ITPR2: variants seen among roughly 807,000 people sequenced by gnomAD.
ITPR2 encodes the protein inositol 1,4,5-trisphosphate receptor type 2, also known as inositol 1,4,5-trisphosphate-gated calcium channel ITPR2.
In ITPR2, 207 loss-of-function variants were observed where a neutral mutation model predicts 317.1. The ratio of observed to expected loss-of-function variants is 0.65; its 90% confidence interval spans 0.58 to 0.73. The LOEUF (loss-of-function observed/expected upper bound fraction) is 0.73, where lower values mean the gene tolerates loss of function less well. ITPR2 is among the 30% of genes least tolerant of loss of function. The pLI is 0.00. For synonymous variants in ITPR2, 1,156 were observed against 1,149.1 expected (o/e 1.01, Z -0.12); for missense variants, 2,613 against 3,284.0 (o/e 0.80, Z 4.99).
chr12:26,460,793 C>G (rs1332833685), intron 45 of ITPR2, among the ~76,000 whole-genome samples: 1 of 152,184 alleles, frequency 6.6e-6, no homozygotes, highest in African/African-American at 2.4e-5. Flanking sequence ...CTCTAATACA[C>G]AGTGTTTCCC....
Position 26,628,179 on chromosome 12 carries a change from GAAC to G in ITPR2, c.2935-20_2935-18del. The G allele has an allele frequency of 6.4e-7, 1 of 1,571,338 alleles. No homozygotes were observed. Among genetic ancestry groups the G allele is most frequent in the Non-Finnish European group, 8.6e-7 (1 of 1,156,460 alleles). On this transcript the variant is annotated intron_variant, in intron 22 of 56. Transcript: ENST00000381340. ...CAGGATAAACTATAAGAAACATTAA[GAAC>G]AACATAAATTTCTTTCATTAGCATA...
chr12:26,534,674 T>C (rs1473303422), intron 37 of ITPR2, among the ~76,000 whole-genome samples: 3 of 152,216 alleles, frequency 2.0e-5, no homozygotes, highest in Non-Finnish European at 4.4e-5. Flanking sequence ...TTAAAAAAGA[T>C]GTTGAACAGC....
intron 37 of ITPR2, among the ~76,000 whole-genome samples, chr12:26,512,721 G>A (rs1173472318): frequency 1.3e-5 from 2 of 152,098 alleles, no homozygotes; most frequent in African/African-American, 2.4e-5. Flanking sequence ...TGTGTCATGG[G>A]TGCATCCTTA....
Position 26,495,193 on chromosome 12 carries a change from C to T in ITPR2, c.5141G>A (p.Gly1714Glu). Residue 1714 changes from glycine (G) to glutamate (E), a missense_variant, in exon 38 of 57, where the codon GGA becomes GAA. Gly to Glu is a moderately conservative substitution (Grantham distance 98, BLOSUM62 -2). This residue lies in a region of ITPR2 where 926 missense variants were observed against 1,072.8 expected (regional missense o/e 0.86). Coordinates refer to ENST00000381340, the MANE Select transcript of ITPR2 (RefSeq NM_002223.4). ...TTTGGAGTAGGCTCCTGATAGGTGT[C>T]CATTCACACCAATACTATAATCACC... Reference protein sequence around the residue: ...FKGDYSIGVNGHLSGAYSKTA... With the variant: ...FKGDYSIGVNEHLSGAYSKTA... The T allele has an allele frequency of 1.2e-6, 2 of 1,609,206 alleles. No individual in the cohort carries two copies. Among genetic ancestry groups the T allele is most frequent in the South Asian group, 1.1e-5 (1 of 91,002 alleles).
At chr12:26,737,570 T>C (rs1180128881) in intron 2 of ITPR2, among the ~76,000 whole-genome samples, 1 of 152,140 alleles carries the variant, frequency 6.6e-6, no homozygotes, top group Non-Finnish European at 1.5e-5. Context: ...TATTTTTCAA[T>C]GGAAACTGTG....
Position 26,779,428 on chromosome 12 carries a change from G to A in ITPR2, c.163+10729C>T, listed in dbSNP as rs561837294. Among the ~76,000 whole-genome samples the A allele has an allele frequency of 1.9e-3, 293 of 152,284 alleles. 1 individual carries two copies. Among genetic ancestry groups the A allele is most frequent in the South Asian group, 0.015 (71 of 4,826 alleles). On this transcript the variant is annotated intron_variant, in intron 2 of 56. Transcript: ENST00000381340. ...TCATGCATAGCAGCATTCTATCATC[G>A]AATGGAAGTAGTATAAATGTGACTG...
chr12:26,420,778 A>G (rs1320778915), intron 49 of ITPR2, among the ~76,000 whole-genome samples: 1 of 152,102 alleles, frequency 6.6e-6, no homozygotes, highest in Admixed American at 6.6e-5. Context: ...TTATTTAAAA[A>G]CCCAGGAAAT....
intron 55 of ITPR2, among the ~76,000 whole-genome samples, chr12:26,386,431 G>T (rs1939665614): frequency 6.6e-6 from 1 of 152,124 alleles, no homozygotes. Flanking sequence ...GACAGGTAAG[G>T]TAAACTATGA....
At chr12:26,621,834 T>G (rs1162178168) in intron 25 of ITPR2, among the ~76,000 whole-genome samples, 2 of 152,226 alleles carry the variant, frequency 1.3e-5, no homozygotes, top group East Asian at 1.9e-4. Flanking sequence ...AAGAAAAAGA[T>G]TAGATCCATA....
At chr12:26,469,293 A>G (rs1942245413) in intron 45 of ITPR2, among the ~76,000 whole-genome samples, 2 of 152,178 alleles carry the variant, frequency 1.3e-5, no homozygotes. Flanking sequence ...CCTGAGGTGA[A>G]CTGTAGGTGA....
chr12:26,441,825 C>T (rs1460160384), intron 46 of ITPR2, among the ~76,000 whole-genome samples: 1 of 152,058 alleles, frequency 6.6e-6, no homozygotes, highest in East Asian at 1.9e-4. Context: ...AACCAGTAGC[C>T]CAGAGGACAT....
At chr12:26,499,210 A>T (rs527619370) in intron 37 of ITPR2, among the ~76,000 whole-genome samples, 2 of 152,346 alleles carry the variant, frequency 1.3e-5, no homozygotes, top group East Asian at 3.9e-4. Flanking sequence ...ATTTGTGATT[A>T]TTTTTAAATT....
intron 2 of ITPR2, among the ~76,000 whole-genome samples, chr12:26,788,169 G>A (rs536026682): frequency 2.3e-4 from 35 of 152,182 alleles, no homozygotes; most frequent in African/African-American, 7.0e-4. Flanking sequence ...TGATCCACCC[G>A]CCTTGGCCTC....
At chr12:26,635,377 T>G (rs1165109699) in intron 21 of ITPR2, among the ~76,000 whole-genome samples, 1 of 152,234 alleles carries the variant, frequency 6.6e-6, no homozygotes, top group African/African-American at 2.4e-5. Flanking sequence ...TTAGAAATGC[T>G]TTTCTCTTAT....
intron 36 of ITPR2, among the ~76,000 whole-genome samples, chr12:26,551,670 T>A (rs1458537418): frequency 6.6e-6 from 1 of 152,140 alleles, no homozygotes; most frequent in Non-Finnish European, 1.5e-5. Context: ...CAGAGAAGGT[T>A]TCAGTGAAGA....
chr12:26,391,803 T>C (rs189966877), intron 54 of ITPR2, among the ~76,000 whole-genome samples: 1 of 152,058 alleles, frequency 6.6e-6, no homozygotes, highest in East Asian at 1.9e-4. Context: ...GACTTCAGCT[T>C]ATATGCTCGC....
intron 26 of ITPR2, among the ~76,000 whole-genome samples, chr12:26,615,595 A>G (rs1240784918): frequency 1.3e-5 from 2 of 152,338 alleles, no homozygotes; most frequent in African/African-American, 4.8e-5. Flanking sequence ...CCACTATTTA[A>G]CAGAGCAAAC....
chr12:26,652,645 C>T (rs762381502), intron 21 of ITPR2, among the ~76,000 whole-genome samples: 19 of 152,180 alleles, frequency 1.2e-4, no homozygotes, highest in Admixed American at 3.3e-4. Context: ...ACAGCCCCCT[C>T]CAGGATGAAG....
chr12:26,562,153 C>T (rs1217558767), intron 34 of ITPR2, among the ~76,000 whole-genome samples: 2 of 152,244 alleles, frequency 1.3e-5, no homozygotes, highest in Non-Finnish European at 2.9e-5. Flanking sequence ...GTTCATGAAA[C>T]ATTCAAGAAC....
Sources: allele counts gnomAD v4.1 joint callset (sites outside exome capture counted in the v4.1 genomes callset), GRCh38; gene constraint gnomAD v4.1.1; regional missense constraint gnomAD v4.1.1; transcripts MANE v1.5; gene names NCBI Gene and HGNC (gene_info 2026-07-23, HGNC 2026-07-21).